The following ZFHX3 variants were observed in gnomAD, a reference collection of about 807,000 sequenced individuals.
ZFHX3 encodes the protein zinc finger homeobox 3.
ZFHX3 carries 42 observed loss-of-function variants against 279.1 expected under a neutral mutation model. The observed-to-expected ratio is 0.15, with a 90% CI of 0.12 to 0.19. The LOEUF (loss-of-function observed/expected upper bound fraction) is 0.19, where lower values mean the gene tolerates loss of function less well. Among genes scored for constraint, ZFHX3 ranks in the 10% least tolerant of loss-of-function variants. ZFHX3 has a pLI of 1.00. For synonymous variants in ZFHX3, 2,293 were observed against 1,957.8 expected, an observed-to-expected ratio of 1.17 and a Z score of -4.52; for missense variants, 4,981 against 4,754.0, an observed-to-expected ratio of 1.05 and a Z score of -1.40.
At chr16:73,657,724 C>T (rs1211650300) in intron 2 of ZFHX3, among the ~76,000 whole-genome samples, 1 of 152,118 alleles carries the variant, frequency 6.6e-6, no homozygotes, top group Non-Finnish European at 1.5e-5. Flanking sequence ...TTTTGCCTGG[C>T]TTCTTTCCCT....
At chr16:73,058,406 C>G (rs1384506989) in intron 1 of ZFHX3, 6 of 179,880 alleles carry the variant, frequency 3.3e-5, no homozygotes, top group Non-Finnish European at 6.8e-5. Context: ...GCAGGACGAG[C>G]CCCATGCAAA....
chr16:73,555,028 A>C (rs183966776), intron 2 of ZFHX3, among the ~76,000 whole-genome samples: 84 of 152,272 alleles, frequency 5.5e-4, no homozygotes, highest in African/African-American at 2.0e-3. Context: ...AGTCATATCC[A>C]ATTTCTTTCC....
intron 4 of ZFHX3, among the ~76,000 whole-genome samples, chr16:73,298,340 A>G (rs2014972037): frequency 6.6e-6 from 1 of 151,060 alleles, no homozygotes; most frequent in South Asian, 2.1e-4. Flanking sequence ...ATGTGCCACC[A>G]TGCCCGGCTA....
intron 3 of ZFHX3, among the ~76,000 whole-genome samples, chr16:73,387,666 A>G (rs1467163860): frequency 6.6e-6 from 1 of 152,108 alleles, no homozygotes; most frequent in Non-Finnish European, 1.5e-5. Context: ...TTTCAATTAA[A>G]ACAAAAAATT....
chr16:72,804,341 C>T lies in ZFHX3; in HGVS notation c.3865-4212G>A, dbSNP rs140636005. Among the ~76,000 whole-genome samples the T allele has an allele frequency of 1.2e-3, 184 of 152,272 alleles. 1 individual carries two copies. The highest frequency in any genetic ancestry group is 1.9e-3 in the East Asian group (10 of 5,190). ...AGAGCCAGACAAAAGTTCCTGTCTC[C>T]AAAAGGCTTATGATGCAGAATAAAT... On this transcript the variant is annotated intron_variant, in intron 7 of 9. Coordinates refer to ENST00000268489, the MANE Select transcript of ZFHX3 (RefSeq NM_006885.4).
At chr16:73,872,551 A>G (rs1018677260) in intron 1 of ZFHX3, among the ~76,000 whole-genome samples, 1 of 151,742 alleles carries the variant, frequency 6.6e-6, no homozygotes, top group Non-Finnish European at 1.5e-5. Flanking sequence ...CTTTCTTAAT[A>G]TCAGGAAACA....
chr16:73,448,548 A>G (rs1483247933), intron 3 of ZFHX3, among the ~76,000 whole-genome samples: 1 of 152,174 alleles, frequency 6.6e-6, no homozygotes, highest in South Asian at 2.1e-4. Context: ...GTGAACGAAA[A>G]GGAAAAGATA....
Position 72,786,466 on chromosome 16 carries a change from G to C in ZFHX3, c.*698C>G, listed in dbSNP as rs1278418707. 7.3e-6 allele frequency: 1 copy of C among 136,908 alleles called. No homozygotes were observed. The highest frequency in any genetic ancestry group is 1.6e-5 in the Non-Finnish European group (1 of 63,800). 8.5% of individuals were successfully genotyped at this position (136,908 alleles called of 1,614,324 possible). ...GTGCTTAACTTTTCCCCTTGAAATTGGCTTCAGCAGAAAAGCTATCCTTAA... is the reference window on the plus strand; with the variant it reads ...GTGCTTAACTTTTCCCCTTGAAATTCGCTTCAGCAGAAAAGCTATCCTTAA... On this transcript the variant is annotated 3_prime_UTR_variant, in exon 10 of 10. Coordinates refer to ENST00000268489, the MANE Select transcript of ZFHX3 (RefSeq NM_006885.4).
intron 4 of ZFHX3, among the ~76,000 whole-genome samples, chr16:73,286,463 C>T (rs191198338): frequency 5.9e-5 from 9 of 152,298 alleles, no homozygotes; most frequent in African/African-American, 2.2e-4. Context: ...GATTTGAAAT[C>T]AAATTGTGTG....
intron 1 of ZFHX3, among the ~76,000 whole-genome samples, chr16:73,020,165 A>T (rs937405320): frequency 6.6e-6 from 1 of 152,214 alleles, no homozygotes; most frequent in Non-Finnish European, 1.5e-5. Context: ...CACCAGCAAG[A>T]GCCCTGCATC....
intron 1 of ZFHX3, among the ~76,000 whole-genome samples, chr16:73,008,069 T>C (rs995756011): frequency 6.6e-6 from 1 of 152,222 alleles, no homozygotes; most frequent in African/African-American, 2.4e-5. Flanking sequence ...AGTGTTTTTA[T>C]CTGTTTTTCT....
At chr16:73,621,819 G>A (rs1373593867) in intron 2 of ZFHX3, among the ~76,000 whole-genome samples, 1 of 152,092 alleles carries the variant, frequency 6.6e-6, no homozygotes, top group Non-Finnish European at 1.5e-5. Flanking sequence ...ATCCTCCACC[G>A]AACAGCTTAG....
chr16:73,267,169 C>T (rs187956015), intron 4 of ZFHX3, among the ~76,000 whole-genome samples: 25 of 152,238 alleles, frequency 1.6e-4, no homozygotes, highest in East Asian at 7.7e-4. Context: ...CTGGGATTAG[C>T]GGAAGGGCAG....
chr16:73,798,453 A>G (rs1406448928), intron 1 of ZFHX3, among the ~76,000 whole-genome samples: 3 of 152,056 alleles, frequency 2.0e-5, no homozygotes, highest in African/African-American at 4.8e-5. Flanking sequence ...AAGGAAAAGG[A>G]GAGAGGAGAG....
chr16:73,759,998 A>G (rs1252696378), intron 1 of ZFHX3, among the ~76,000 whole-genome samples: 1 of 137,456 alleles, frequency 7.3e-6, no homozygotes, highest in African/African-American at 2.6e-5. Flanking sequence ...ACATCAATGA[A>G]TCCAGGAGCT....
intron 1 of ZFHX3, among the ~76,000 whole-genome samples, chr16:73,696,082 C>T (rs1472445247): frequency 2.6e-5 from 4 of 152,182 alleles, no homozygotes; most frequent in Non-Finnish European, 5.9e-5. Context: ...TTACATGGCC[C>T]AGAGTAATTC....
intron 4 of ZFHX3, among the ~76,000 whole-genome samples, chr16:73,285,447 A>G (rs553765115): frequency 6.6e-6 from 1 of 152,360 alleles, no homozygotes; most frequent in East Asian, 1.9e-4. Context: ...CAAAGGGCAC[A>G]AAATTCATAC....
At chr16:73,436,718 T>A (rs1057288335) in intron 3 of ZFHX3, among the ~76,000 whole-genome samples, 2 of 151,944 alleles carry the variant, frequency 1.3e-5, no homozygotes, top group African/African-American at 4.8e-5. Flanking sequence ...GGCTGTGCTG[T>A]TCTTTGTGAC....
intron 5 of ZFHX3, among the ~76,000 whole-genome samples, chr16:73,176,609 C>CT (rs34772851): frequency 0.031 from 4,250 of 139,326 alleles, 209 homozygotes; most frequent in African/African-American, 0.1. Context: ...TCTTCTTCTC[C>CT]TTTTTTTTTT....
Sources: allele counts gnomAD v4.1 joint callset (sites outside exome capture counted in the v4.1 genomes callset), GRCh38; gene constraint gnomAD v4.1.1; transcripts MANE v1.5; gene names NCBI Gene and HGNC (gene_info 2026-07-23, HGNC 2026-07-21).